Variants in SOX5 observed in about 807,000 individuals in gnomAD.
The protein encoded by SOX5 is SRY-box transcription factor 5.
SOX5 carries 9 observed loss-of-function variants against 92.0 expected under a neutral mutation model. That is an observed-to-expected ratio of 0.10 (90% CI 0.06 to 0.17). The LOEUF (loss-of-function observed/expected upper bound fraction) is 0.17, where lower values mean the gene tolerates loss of function less well. SOX5 is among the 10% of genes least tolerant of loss of function. The probability of loss-of-function intolerance (pLI) is 1.00; values close to 1 mark genes in which losing one functional copy is unlikely to be tolerated. For missense variants in SOX5, 642 were observed against 944.5 expected (o/e 0.68, Z 4.20); for synonymous variants, 344 against 336.3 (o/e 1.02, Z -0.25).
intron 1 of SOX5, among the ~76,000 whole-genome samples, chr12:23,935,667 T>C (rs1189196074): frequency 6.6e-6 from 1 of 151,154 alleles, no homozygotes; most frequent in Non-Finnish European, 1.5e-5. Context: ...GCATATCACC[T>C]TGTGCAATGA....
intron 11 of SOX5, among the ~76,000 whole-genome samples, 183 bp downstream of exon 11, chr12:23,563,075 A>T (rs1230004764): frequency 2.0e-5 from 3 of 152,046 alleles, no homozygotes; most frequent in Admixed American, 1.3e-4. Flanking sequence ...GAGAATTATA[A>T]CTCTTTCTAT....
chr12:23,584,749 ATGTGTGTGTGTT>A, intron 9 of SOX5: 1 of 483,140 alleles, frequency 2.1e-6, no homozygotes, highest in Non-Finnish European at 3.7e-6. Flanking sequence ...GTGTGTGTGT[ATGTGTGTGTGTT>A]TAATGGATTA....
intron 3 of SOX5, among the ~76,000 whole-genome samples, chr12:23,769,182 A>C (rs192994280): frequency 6.6e-6 from 1 of 152,128 alleles, no homozygotes; most frequent in South Asian, 2.1e-4. Context: ...ATCTCCAAAC[A>C]TGTGAAGAGT....
chr12:24,112,249 T>C (rs2138162900), intron 4 of SOX5, among the ~76,000 whole-genome samples: 1 of 152,340 alleles, frequency 6.6e-6, no homozygotes, highest in East Asian at 1.9e-4. Context: ...CTATAGCCCA[T>C]ATGCCAAATC....
intron 1 of SOX5, among the ~76,000 whole-genome samples, chr12:23,946,894 C>A (rs1944683719): frequency 6.6e-6 from 1 of 151,916 alleles, no homozygotes; most frequent in African/African-American, 2.4e-5. Flanking sequence ...ATTTGCACTA[C>A]CTCCTGCATA....
chr12:24,474,397 G>C (rs2137683900), intron 1 of SOX5, among the ~76,000 whole-genome samples: 1 of 152,284 alleles, frequency 6.6e-6, no homozygotes, highest in Non-Finnish European at 1.5e-5. Context: ...TTGGATAACG[G>C]TGTGGATGAC....
At chr12:23,603,445 A>AATATATATATATATATATATATATAT (rs72370535) in intron 9 of SOX5, among the ~76,000 whole-genome samples, 12 of 124,734 alleles carry the variant, frequency 9.6e-5, no homozygotes, top group Middle Eastern at 4.6e-3. Context: ...ATATATATAA[A>AATATATATATATATATATATATATAT]ATATATATAT....
intron 1 of SOX5, among the ~76,000 whole-genome samples, chr12:24,508,127 T>C (rs1438007028): frequency 6.6e-6 from 1 of 152,068 alleles, no homozygotes; most frequent in African/African-American, 2.4e-5. Context: ...CTGTAGGATA[T>C]GGGAAACTAA....
intron 4 of SOX5, among the ~76,000 whole-genome samples, chr12:24,041,085 A>G (rs1294953510): frequency 6.6e-6 from 1 of 152,224 alleles, no homozygotes; most frequent in Non-Finnish European, 1.5e-5. Context: ...ATTATTTCTT[A>G]AACTACAGAA....
At chr12:23,839,682 G>C (rs988631206) in intron 3 of SOX5, among the ~76,000 whole-genome samples, 4 of 151,874 alleles carry the variant, frequency 2.6e-5, no homozygotes, top group Admixed American at 6.6e-5. Context: ...GCCTGGTTTG[G>C]CATTTTAAAA....
chr12:23,747,934 G>T (rs1025468918), intron 4 of SOX5, among the ~76,000 whole-genome samples: 1 of 142,378 alleles, frequency 7.0e-6, no homozygotes, highest in Non-Finnish European at 1.5e-5. Context: ...CATGCCTTCA[G>T]ATAGCTTAAA....
At chr12:24,528,925 G>A (rs1202993005) in intron 1 of SOX5, among the ~76,000 whole-genome samples, 2 of 152,162 alleles carry the variant, frequency 1.3e-5, no homozygotes, top group Non-Finnish European at 2.9e-5. Flanking sequence ...GCATTGGTAT[G>A]CTACTTTCCA....
At chr12:24,141,433 T>C (rs952275216) in intron 4 of SOX5, among the ~76,000 whole-genome samples, 1 of 152,146 alleles carries the variant, frequency 6.6e-6, no homozygotes, top group African/African-American at 2.4e-5. Context: ...TGTACATAGA[T>C]TGATGAAAAG....
At chr12:24,511,666 A>T (rs924763047) in intron 1 of SOX5, among the ~76,000 whole-genome samples, 3 of 152,220 alleles carry the variant, frequency 2.0e-5, no homozygotes, top group Non-Finnish European at 2.9e-5. Context: ...TATTTTTTTT[A>T]AAGTTTTTGC....
intron 1 of SOX5, among the ~76,000 whole-genome samples, chr12:24,534,195 T>A (rs1951432696): frequency 6.6e-6 from 1 of 151,966 alleles, no homozygotes; most frequent in Admixed American, 6.5e-5. Flanking sequence ...TTTTGAAAAT[T>A]ATCCACTGCA....
intron 4 of SOX5, among the ~76,000 whole-genome samples, chr12:24,187,118 C>T (rs1327979775): frequency 2.6e-5 from 4 of 152,156 alleles, no homozygotes; most frequent in African/African-American, 9.7e-5. Flanking sequence ...CAATCAGTCC[C>T]ATCTCATGGA....
intron 1 of SOX5, among the ~76,000 whole-genome samples, chr12:24,416,157 C>CA (rs1372736219): frequency 6.6e-6 from 1 of 152,196 alleles, no homozygotes; most frequent in Non-Finnish European, 1.5e-5. Flanking sequence ...AAGAGCGGGG[C>CA]AGGCCAGGGA....
At chr12:24,028,026 AT>A (rs1187572361) in intron 4 of SOX5, among the ~76,000 whole-genome samples, 13 of 151,958 alleles carry the variant, frequency 8.6e-5, no homozygotes, top group African/African-American at 3.1e-4. Context: ...AGATTTCATC[AT>A]GCTTTCTCTC....
intron 1 of SOX5, among the ~76,000 whole-genome samples, chr12:24,425,709 A>T (rs1367206396): frequency 6.6e-6 from 1 of 152,192 alleles, no homozygotes; most frequent in Admixed American, 6.5e-5. Flanking sequence ...TGGGTGGTTT[A>T]TGTCTTTCAA....
Sources: gnomAD v4.1 joint callset for allele counts (sites outside exome capture counted in the v4.1 genomes callset) on GRCh38, gnomAD v4.1.1 for gene constraint, MANE v1.5 for transcripts, NCBI Gene and HGNC (gene_info 2026-07-23, HGNC 2026-07-21) for gene names.